The following FGF14 variants were observed in gnomAD, a reference collection of about 807,000 sequenced individuals.
The protein encoded by FGF14 is fibroblast growth factor homologous factor 4.
FGF14 carries 5 observed loss-of-function variants against 25.5 expected under a neutral mutation model. The observed-to-expected ratio is 0.20, with a 90% CI of 0.10 to 0.41. FGF14 has a LOEUF of 0.41. Among genes scored for constraint, FGF14 ranks in the 10% least tolerant of loss-of-function variants. The pLI is 1.00. For synonymous variants in FGF14, 138 were observed against 118.3 expected, an observed-to-expected ratio of 1.17 and a Z score of -1.08; for missense variants, 222 against 320.1, an observed-to-expected ratio of 0.69 and a Z score of 2.34.
intron 3 of FGF14, among the ~76,000 whole-genome samples, chr13:101,804,965 G>C (rs2089270171): frequency 6.6e-6 from 1 of 152,102 alleles, no homozygotes; most frequent in Admixed American, 6.6e-5. Context: ...ATTGTGCCTT[G>C]TTGTATGGAT....
At chr13:102,399,482 G>A (rs2058653386) in intron 1 of FGF14, among the ~76,000 whole-genome samples, 1 of 152,154 alleles carries the variant, frequency 6.6e-6, no homozygotes, top group South Asian at 2.1e-4. Context: ...GCAGCCCTTG[G>A]CCTTTCTCAC....
intron 1 of FGF14, among the ~76,000 whole-genome samples, chr13:102,268,597 G>T (rs1288827116): frequency 6.6e-6 from 1 of 151,984 alleles, no homozygotes; most frequent in Non-Finnish European, 1.5e-5. Context: ...GATGATGGGA[G>T]AAAGAGAATT....
chr13:102,322,689 A>C (rs1369520478), intron 1 of FGF14, among the ~76,000 whole-genome samples: 1 of 152,204 alleles, frequency 6.6e-6, no homozygotes, highest in African/African-American at 2.4e-5. Context: ...TGTAAAACAC[A>C]GGGCTGCATG....
chr13:101,943,791 T>C (rs1419985114), intron 1 of FGF14, among the ~76,000 whole-genome samples: 2 of 134,286 alleles, frequency 1.5e-5, no homozygotes, highest in Non-Finnish European at 3.0e-5. Context: ...CTGACCAACA[T>C]GGAGAATCCC....
chr13:102,219,863 G>C (rs950243559), intron 1 of FGF14, among the ~76,000 whole-genome samples: 4 of 152,026 alleles, frequency 2.6e-5, no homozygotes, highest in Non-Finnish European at 5.9e-5. Flanking sequence ...TTTATAGTGC[G>C]GTTATGGTTG....
intron 2 of FGF14, among the ~76,000 whole-genome samples, chr13:101,869,243 G>A (rs536559236): frequency 2.0e-4 from 30 of 152,314 alleles, no homozygotes; most frequent in African/African-American, 7.2e-4. Context: ...TCATTGCAAT[G>A]AGGTCAGGCC....
chr13:102,247,598 G>A (rs2051944211), intron 1 of FGF14, among the ~76,000 whole-genome samples: 1 of 152,074 alleles, frequency 6.6e-6, no homozygotes, highest in Admixed American at 6.6e-5. Flanking sequence ...AATAGATGCT[G>A]GCAAGGTTGC....
intron 1 of FGF14, among the ~76,000 whole-genome samples, chr13:102,279,991 A>G (rs141302965): frequency 1.3e-5 from 2 of 152,312 alleles, no homozygotes; most frequent in Non-Finnish European, 2.9e-5. Flanking sequence ...GACCAGGCCT[A>G]AAGTTATATT....
At chr13:101,970,491 G>A (rs1287825893) in intron 1 of FGF14, among the ~76,000 whole-genome samples, 1 of 152,158 alleles carries the variant, frequency 6.6e-6, no homozygotes, top group Non-Finnish European at 1.5e-5. Context: ...CCCAAGGCAT[G>A]CCTCTTTGAC....
chr13:102,399,289 C>G (rs765309689), intron 1 of FGF14, among the ~76,000 whole-genome samples: 1 of 152,206 alleles, frequency 6.6e-6, no homozygotes, highest in Non-Finnish European at 1.5e-5. Context: ...ATTTCCCACT[C>G]TCCAGTACTA....
At chr13:102,271,144 T>C (rs1013543731) in intron 1 of FGF14, among the ~76,000 whole-genome samples, 2 of 152,176 alleles carry the variant, frequency 1.3e-5, no homozygotes, top group Admixed American at 6.6e-5. Context: ...GGTTTTGTGG[T>C]AAATACTTAT....
At chr13:101,811,039 C>A (rs199805277) in intron 3 of FGF14, among the ~76,000 whole-genome samples, 6 of 59,354 alleles carry the variant, frequency 1.0e-4, no homozygotes, top group Non-Finnish European at 4.2e-5. Flanking sequence ...TCCGCCCCCC[C>A]CGGCCCCCGC....
chr13:102,119,798 G>A (rs756322042), intron 1 of FGF14, among the ~76,000 whole-genome samples: 1 of 152,162 alleles, frequency 6.6e-6, no homozygotes, highest in Non-Finnish European at 1.5e-5. Flanking sequence ...GATGTTTATT[G>A]TTCCAGTTTT....
chr13:102,346,638 T>C (rs1537925), intron 1 of FGF14, among the ~76,000 whole-genome samples: 16,212 of 151,830 alleles, frequency 0.11, 1,941 homozygotes, highest in African/African-American at 0.29. Flanking sequence ...ACATTACACA[T>C]AACATATGCA....
At chr13:102,252,069 AATCT>A (rs1315964120) in intron 1 of FGF14, among the ~76,000 whole-genome samples, 44 of 152,182 alleles carry the variant, frequency 2.9e-4, no homozygotes, top group African/African-American at 1.0e-3. Context: ...CGGCTAATCT[AATCT>A]ATCTGGACCA....
chr13:101,930,313 G>C (rs1249683109), intron 1 of FGF14, among the ~76,000 whole-genome samples: 1 of 152,090 alleles, frequency 6.6e-6, no homozygotes. Context: ...TATTTACAAG[G>C]TCTTATGTCA....
At chr13:101,846,629 A>G (rs2043475510) in intron 3 of FGF14, among the ~76,000 whole-genome samples, 1 of 152,052 alleles carries the variant, frequency 6.6e-6, no homozygotes, top group Non-Finnish European at 1.5e-5. Context: ...GTTGATCTTA[A>G]AATTCAGATT....
intron 1 of FGF14, among the ~76,000 whole-genome samples, chr13:101,978,683 G>T (rs2038074438): frequency 6.6e-6 from 1 of 152,140 alleles, no homozygotes; most frequent in South Asian, 2.1e-4. Flanking sequence ...GGCATTTATG[G>T]AAAACAATGA....
intron 1 of FGF14, among the ~76,000 whole-genome samples, chr13:102,324,952 G>C (rs983212892): frequency 6.6e-6 from 1 of 151,818 alleles, no homozygotes; most frequent in Non-Finnish European, 1.5e-5. Flanking sequence ...AAATGTTAAA[G>C]GTGAATTTTT....
Sources: gnomAD v4.1 joint callset for allele counts (sites outside exome capture counted in the v4.1 genomes callset) on GRCh38, gnomAD v4.1.1 for gene constraint, MANE v1.5 for transcripts, NCBI Gene and HGNC (gene_info 2026-07-23, HGNC 2026-07-21) for gene names.